FAM227B: variants seen among roughly 807,000 people sequenced by gnomAD.
FAM227B encodes family with sequence similarity 227 member B.
In FAM227B, 88 loss-of-function variants were observed where a neutral mutation model predicts 73.8. The observed-to-expected ratio is 1.19, with a 90% CI of 1.00 to 1.42. The LOEUF is 1.42. Among genes scored for constraint, FAM227B ranks in the 40% most tolerant of loss-of-function variants. The pLI, the probability that FAM227B is intolerant of heterozygous loss-of-function variation, is 0.00. For synonymous variants in FAM227B, 210 were observed against 190.5 expected (o/e 1.10, Z -0.84); for missense variants, 632 against 590.9 (o/e 1.07, Z -0.72).
chr15:49,588,232 ACT>A (rs1567646321), intron 4 of FAM227B, 149 bp from the exon 5 acceptor site: 1 of 404,534 alleles, frequency 2.5e-6, no homozygotes, highest in Non-Finnish European at 4.1e-6. Context: ...GTTAATACAC[ACT>A]GTTAGCTGAA....
intron 4 of FAM227B, 52 bp downstream of exon 4, chr15:49,589,724 G>A: frequency 8.6e-7 from 1 of 1,159,102 alleles, no homozygotes; most frequent in Non-Finnish European, 1.3e-6. Context: ...ACCAGCCTGG[G>A]AAACATAGTG....
intron 11 of FAM227B, among the ~76,000 whole-genome samples, chr15:49,470,910 C>T (rs2054680515): frequency 6.6e-6 from 1 of 152,140 alleles, no homozygotes; most frequent in Admixed American, 6.5e-5. Flanking sequence ...GGAGAAATTC[C>T]AGGATGTAAG....
chr15:49,618,231 T>C (rs1013273199), intron 1 of FAM227B, among the ~76,000 whole-genome samples: 1 of 152,204 alleles, frequency 6.6e-6, no homozygotes, highest in South Asian at 2.1e-4. Flanking sequence ...TTAGAGAATG[T>C]AGTTCATTTT....
intron 11 of FAM227B, among the ~76,000 whole-genome samples, chr15:49,373,249 T>A (rs929685372): frequency 6.6e-6 from 1 of 152,046 alleles, no homozygotes; most frequent in Non-Finnish European, 1.5e-5. Flanking sequence ...TATACATTAA[T>A]ATGAGGCAAG....
chr15:49,605,121 C>A (rs1023363210), intron 3 of FAM227B, among the ~76,000 whole-genome samples: 14 of 152,134 alleles, frequency 9.2e-5, no homozygotes, highest in Non-Finnish European at 4.4e-5. Context: ...GTCTGCACAT[C>A]TGAAGAACAG....
intron 10 of FAM227B, among the ~76,000 whole-genome samples, chr15:49,524,107 T>C (rs931926567): frequency 6.6e-6 from 1 of 152,194 alleles, no homozygotes; most frequent in African/African-American, 2.4e-5. Flanking sequence ...AAAATTTGCA[T>C]AAGTAATGAA....
intron 3 of FAM227B, among the ~76,000 whole-genome samples, chr15:49,591,235 C>T (rs2076538326): frequency 6.6e-6 from 1 of 150,664 alleles, no homozygotes; most frequent in Non-Finnish European, 1.5e-5. Context: ...CCACCATGCC[C>T]GGCTAATTTT....
intron 6 of FAM227B, chr15:49,577,327 C>A: frequency 2.9e-6 from 1 of 339,180 alleles, no homozygotes; most frequent in Non-Finnish European, 5.5e-6. Flanking sequence ...GAAAAACCTT[C>A]ATATTTTCTG....
Position 49,441,591 on chromosome 15 carries a change from G to T in FAM227B, c.1012+66620C>A, listed in dbSNP as rs552905636. On this transcript the variant is annotated intron_variant, in intron 11 of 15. Transcript: ENST00000299338. Reference sequence around the variant, plus strand: ...TTCCATATATAGAGAGAAAAGGAGAGTGCATTTCATGACATGGTATAATTT... The same window carrying T: ...TTCCATATATAGAGAGAAAAGGAGATTGCATTTCATGACATGGTATAATTT... Among the ~76,000 whole-genome samples the T allele has an allele frequency of 1.1e-4, 16 of 151,228 alleles. No individual in the cohort carries two copies. In the South Asian group the frequency reaches 3.1e-3, roughly 29 times the overall value.
chr15:49,522,486 A>C (rs2059859571), intron 10 of FAM227B, among the ~76,000 whole-genome samples: 1 of 152,194 alleles, frequency 6.6e-6, no homozygotes, highest in Non-Finnish European at 1.5e-5. Context: ...AAGAATTCAA[A>C]ATATGGATTG....
intron 10 of FAM227B, among the ~76,000 whole-genome samples, chr15:49,532,061 TAAAA>T (rs2152230538): frequency 6.7e-6 from 1 of 149,058 alleles, no homozygotes; most frequent in Admixed American, 6.8e-5. Context: ...TATCTATATA[TAAAA>T]TATACATAAT....
chr15:49,370,574 C>T (rs536220935), intron 12 of FAM227B, among the ~76,000 whole-genome samples: 32 of 151,980 alleles, frequency 2.1e-4, no homozygotes, highest in East Asian at 7.7e-4. Flanking sequence ...TATTAAATAC[C>T]GGGAAAAACA....
intron 11 of FAM227B, among the ~76,000 whole-genome samples, chr15:49,404,826 G>C (rs2048407573): frequency 6.6e-6 from 1 of 151,706 alleles, no homozygotes; most frequent in South Asian, 2.1e-4. Context: ...GGTTCGTATG[G>C]GCGCTTGTTT....
At chr15:49,573,435 G>A (rs949305246) in intron 8 of FAM227B, among the ~76,000 whole-genome samples, 8 of 152,206 alleles carry the variant, frequency 5.3e-5, no homozygotes, top group African/African-American at 1.9e-4. Context: ...GTCCCCCAAA[G>A]TTCATGTATT....
intron 13 of FAM227B, chr15:49,366,501 TG>T: frequency 7.9e-7 from 1 of 1,269,240 alleles, no homozygotes; most frequent in Admixed American, 1.7e-5. Context: ...ATCAAACTAA[TG>T]GAAGTTGCAT....
chr15:49,512,584 T>C (rs1386858361), intron 10 of FAM227B, among the ~76,000 whole-genome samples: 1 of 151,306 alleles, frequency 6.6e-6, no homozygotes, highest in Non-Finnish European at 1.5e-5. Context: ...TTTTTAATTA[T>C]TTATTTATTT....
At chr15:49,579,271 G>C (rs997731131) in intron 5 of FAM227B, among the ~76,000 whole-genome samples, 1 of 152,118 alleles carries the variant, frequency 6.6e-6, no homozygotes, top group Non-Finnish European at 1.5e-5. Context: ...AAATAGAACT[G>C]TCATACAATT....
intron 10 of FAM227B, among the ~76,000 whole-genome samples, chr15:49,538,161 A>T (rs1331705856): frequency 2.0e-5 from 3 of 152,148 alleles, no homozygotes; most frequent in African/African-American, 7.2e-5. Context: ...GCCAGGAGAG[A>T]GTTTGATTAT....
intron 3 of FAM227B, among the ~76,000 whole-genome samples, chr15:49,609,342 T>G (rs1598537160): frequency 6.6e-6 from 1 of 151,716 alleles, no homozygotes; most frequent in East Asian, 1.9e-4. Context: ...GAGGAGTAGA[T>G]GATATAAAAT....
Sources: allele counts gnomAD v4.1 joint callset (sites outside exome capture counted in the v4.1 genomes callset), GRCh38; gene constraint gnomAD v4.1.1; transcripts MANE v1.5; gene names NCBI Gene and HGNC (gene_info 2026-07-23, HGNC 2026-07-21).